NXPH1: variants seen among roughly 807,000 people sequenced by gnomAD.
NXPH1 encodes the protein neurexophilin 1.
Under a neutral mutation model 23.7 loss-of-function variants are expected in NXPH1, and 5 were observed. That is an observed-to-expected ratio of 0.21 (90% CI 0.11 to 0.44). The LOEUF (loss-of-function observed/expected upper bound fraction) is 0.44. Ranked by LOEUF, NXPH1 falls within the 20% of genes least tolerant of loss-of-function variation. The pLI is 0.99. For synonymous variants in NXPH1, 144 were observed against 122.2 expected, an observed-to-expected ratio of 1.18 and a Z score of -1.18; for missense variants, 324 against 321.6, an observed-to-expected ratio of 1.01 and a Z score of -0.06.
intron 2 of NXPH1, among the ~76,000 whole-genome samples, chr7:8,540,514 C>T (rs1199592730): frequency 6.6e-6 from 1 of 151,670 alleles, no homozygotes; most frequent in Non-Finnish European, 1.5e-5. Flanking sequence ...AAGGAAAACC[C>T]AAGTGAAGCC....
intron 2 of NXPH1, among the ~76,000 whole-genome samples, chr7:8,447,125 G>A (rs1292917141): frequency 6.6e-6 from 1 of 152,152 alleles, no homozygotes; most frequent in East Asian, 1.9e-4. Context: ...TTAATCCTAA[G>A]TTTAATTCTA....
At chr7:8,582,984 G>A (rs1034748113) in intron 2 of NXPH1, among the ~76,000 whole-genome samples, 16 of 152,330 alleles carry the variant, frequency 1.1e-4, no homozygotes, top group Middle Eastern at 3.4e-3. Flanking sequence ...TCCCATGCCT[G>A]TTGGCACCCA....
intron 2 of NXPH1, among the ~76,000 whole-genome samples, chr7:8,663,236 C>T (rs1820707604): frequency 6.6e-6 from 1 of 152,054 alleles, no homozygotes; most frequent in South Asian, 2.1e-4. Context: ...CAGGGTCCCC[C>T]ATCGTTGAAT....
chr7:8,725,227 C>T (rs1460380583), intron 2 of NXPH1, among the ~76,000 whole-genome samples: 7 of 152,174 alleles, frequency 4.6e-5, no homozygotes, highest in African/African-American at 1.4e-4. Context: ...CTGTGACTCA[C>T]GCCTGTAATC....
intron 2 of NXPH1, among the ~76,000 whole-genome samples, chr7:8,747,560 C>T (rs1429458075): frequency 1.3e-5 from 2 of 152,186 alleles, no homozygotes; most frequent in Non-Finnish European, 2.9e-5. Flanking sequence ...AAGCACTAAG[C>T]CACTACTAAA....
At chr7:8,455,242 T>C (rs1012765050) in intron 2 of NXPH1, among the ~76,000 whole-genome samples, 20 of 152,182 alleles carry the variant, frequency 1.3e-4, no homozygotes, top group African/African-American at 4.6e-4. Flanking sequence ...TGCAGAATTG[T>C]GGCATACGGC....
intron 2 of NXPH1, among the ~76,000 whole-genome samples, chr7:8,537,906 A>G (rs1178769769): frequency 5.3e-5 from 8 of 151,878 alleles, no homozygotes; most frequent in Non-Finnish European, 1.0e-4. Flanking sequence ...GAAAGAGACA[A>G]TTTAGAGATA....
In NXPH1 at chr7:8,610,116, C is replaced by A. The variant is rs150370867; in HGVS notation, c.55-140892C>A. 4.1e-3 allele frequency among the ~76,000 whole-genome samples: 617 copies of A among 152,088 alleles called. 4 individuals carry two copies. The highest frequency in any genetic ancestry group is 0.014 in the African/African-American group (586 of 41,506). ...AACAGAAATAACTGCACTTTATAAT[C>A]GTTTTGAGATAATTTTGGTTGCAAT... is the stretch of plus-strand genomic sequence containing the variant. On this transcript the variant is annotated intron_variant, in intron 2 of 2. Transcript: ENST00000405863.
At chr7:8,620,180 C>T (rs1217054717) in intron 2 of NXPH1, among the ~76,000 whole-genome samples, 2 of 152,074 alleles carry the variant, frequency 1.3e-5, no homozygotes, top group Non-Finnish European at 2.9e-5. Context: ...AAGCACAGTT[C>T]TAACATATAA....
At chr7:8,487,910 T>C (rs1817185812) in intron 2 of NXPH1, among the ~76,000 whole-genome samples, 1 of 152,110 alleles carries the variant, frequency 6.6e-6, no homozygotes, top group Non-Finnish European at 1.5e-5. Flanking sequence ...TTAATTTCCT[T>C]ATCTGAAGAA....
chr7:8,555,752 C>T lies in NXPH1; in HGVS notation c.54+119985C>T, dbSNP rs117718139. 1.1e-3 allele frequency among the ~76,000 whole-genome samples: 162 copies of T among 151,758 alleles called. No homozygotes were observed. In the East Asian group the frequency reaches 0.027, roughly 25 times the overall value. ...TAACTTGTTCATTACCAGTTTTGAA[C>T]CTTTGCGTTTGTTATTTCTCACTTA... On this transcript the variant is annotated intron_variant, in intron 2 of 2. Transcript: ENST00000405863.
intron 2 of NXPH1, among the ~76,000 whole-genome samples, chr7:8,535,483 T>G (rs1399765337): frequency 6.6e-6 from 1 of 151,960 alleles, no homozygotes; most frequent in Non-Finnish European, 1.5e-5. Context: ...AATGGATATG[T>G]GCTGACACTG....
At chr7:8,450,693 C>G (rs118164098) in intron 2 of NXPH1, among the ~76,000 whole-genome samples, 2 of 152,180 alleles carry the variant, frequency 1.3e-5, no homozygotes, top group Admixed American at 6.6e-5. Flanking sequence ...ATTAAATGTT[C>G]CATTTTGCAG....
At chr7:8,666,444 G>T (rs188815873) in intron 2 of NXPH1, among the ~76,000 whole-genome samples, 3 of 152,044 alleles carry the variant, frequency 2.0e-5, no homozygotes, top group Admixed American at 6.5e-5. Context: ...CTAGTATTTT[G>T]TTGAGAGTTT....
intron 2 of NXPH1, among the ~76,000 whole-genome samples, chr7:8,552,910 A>G (rs544033128): frequency 2.6e-5 from 4 of 151,734 alleles, no homozygotes; most frequent in Non-Finnish European, 4.4e-5. Context: ...AGATGCAGGT[A>G]TTAATGGTCA....
intron 2 of NXPH1, among the ~76,000 whole-genome samples, chr7:8,724,820 G>T (rs1440977037): frequency 2.0e-5 from 3 of 152,122 alleles, no homozygotes; most frequent in African/African-American, 7.2e-5. Context: ...TTATTTATGA[G>T]ATCTCTCTGG....
intron 2 of NXPH1, among the ~76,000 whole-genome samples, chr7:8,614,630 A>G (rs113235849): frequency 1.3e-5 from 2 of 152,038 alleles, no homozygotes; most frequent in Non-Finnish European, 2.9e-5. Context: ...GTATATGTCT[A>G]TAGTTTCCAT....
At chr7:8,623,532 CTG>C (rs767958140) in intron 2 of NXPH1, among the ~76,000 whole-genome samples, 15 of 151,714 alleles carry the variant, frequency 9.9e-5, no homozygotes, top group Non-Finnish European at 2.2e-4. Flanking sequence ...AACTTGTAAA[CTG>C]TGATCGAATC....
At chr7:8,731,930 C>G (rs1780162672) in intron 2 of NXPH1, among the ~76,000 whole-genome samples, 1 of 152,250 alleles carries the variant, frequency 6.6e-6, no homozygotes, top group Non-Finnish European at 1.5e-5. Context: ...GCGGGCGCCC[C>G]TCCCCCGGCC....
Sources: gnomAD v4.1 joint callset for allele counts (sites outside exome capture counted in the v4.1 genomes callset) on GRCh38, gnomAD v4.1.1 for gene constraint, MANE v1.5 for transcripts, NCBI Gene and HGNC (gene_info 2026-07-23, HGNC 2026-07-21) for gene names.